Variants in CRTAC1 observed in about 807,000 individuals in gnomAD.
CRTAC1 encodes cartilage acidic protein 1.
A neutral mutation model predicts 67.8 loss-of-function variants in CRTAC1; 37 were observed. The ratio of observed to expected loss-of-function variants is 0.55; its 90% CI spans 0.42 to 0.72. The LOEUF (loss-of-function observed/expected upper bound fraction) is 0.72, where lower values mean the gene tolerates loss of function less well. CRTAC1 is among the 30% of genes least tolerant of loss of function. The pLI, the probability that CRTAC1 is intolerant of heterozygous loss-of-function variation, is 0.00. For synonymous variants in CRTAC1, 348 were observed against 371.0 expected, an observed-to-expected ratio of 0.94 and a Z score of 0.71; for missense variants, 780 against 931.6, an observed-to-expected ratio of 0.84 and a Z score of 2.12.
chr10:97,953,984 G>A (rs561736387), intron 2 of CRTAC1, among the ~76,000 whole-genome samples: 3 of 152,236 alleles, frequency 2.0e-5, no homozygotes, highest in East Asian at 3.9e-4. Flanking sequence ...GCAAATTCTC[G>A]GGAGGTGTAG....
intron 14 of CRTAC1, 129 bp downstream of exon 14, chr10:97,880,120 G>T: frequency 1.8e-6 from 2 of 1,102,714 alleles, no homozygotes; most frequent in Non-Finnish European, 2.6e-6. Flanking sequence ...GACCCAATAT[G>T]GGTCAAAGGA....
At chr10:97,916,244 G>A (rs184923540) in intron 5 of CRTAC1, among the ~76,000 whole-genome samples, 1 of 151,884 alleles carries the variant, frequency 6.6e-6, no homozygotes, top group East Asian at 1.9e-4. Flanking sequence ...AGAAAAAATT[G>A]ACTGTACAAA....
chr10:97,871,712 T>A (rs981422726), intron 14 of CRTAC1: 1 of 152,108 alleles, frequency 6.6e-6, no homozygotes. Context: ...TGAACCTAAG[T>A]CTCTGACTCC....
intron 14 of CRTAC1, chr10:97,878,524 C>A: frequency 9.1e-7 from 1 of 1,095,894 alleles, no homozygotes; most frequent in South Asian, 1.7e-5. Context: ...CCTGGGATGA[C>A]TTTTTTTCCC....
At chr10:97,897,536 T>C (rs1222965918) in intron 8 of CRTAC1, among the ~76,000 whole-genome samples, 2 of 152,340 alleles carry the variant, frequency 1.3e-5, no homozygotes, top group East Asian at 3.9e-4. Flanking sequence ...TCATCTTTGC[T>C]TCTCTTGCAG....
At chr10:97,909,742 A>G (rs541228409) in intron 5 of CRTAC1, among the ~76,000 whole-genome samples, 34 of 152,364 alleles carry the variant, frequency 2.2e-4, no homozygotes, top group African/African-American at 7.9e-4. Flanking sequence ...TGTTGAAGAG[A>G]TACCTGCACT....
intron 3 of CRTAC1, among the ~76,000 whole-genome samples, chr10:97,935,905 C>T (rs2051078540): frequency 6.6e-6 from 1 of 152,124 alleles, no homozygotes; most frequent in Non-Finnish European, 1.5e-5. Context: ...GTGGTGGGGA[C>T]ACACAGTCTG....
chr10:98,019,073 G>T lies in CRTAC1; in HGVS notation c.25-7736C>A, dbSNP rs530619253. 4.6e-5 allele frequency among the ~76,000 whole-genome samples: 7 copies of T among 152,272 alleles called. No homozygotes were observed. In the South Asian group the frequency reaches 6.2e-4, roughly 14 times the overall value. ...GCACAGAGAGATGTAAGTTAGCTGG[G>T]GGGGGAGCTGGGAAGTGCTTCCTAG... On this transcript the variant is annotated intron_variant, in intron 1 of 14. Transcript: ENST00000370597.
chr10:97,968,273 C>T (rs952356072), intron 2 of CRTAC1, among the ~76,000 whole-genome samples: 33 of 152,124 alleles, frequency 2.2e-4, no homozygotes, highest in African/African-American at 5.6e-4. Context: ...GGCAGAGTCT[C>T]GCTCTGTCGC....
Position 97,933,088 on chromosome 10 carries a change from G to A in CRTAC1, c.421+3082C>T, listed in dbSNP as rs570729649. Among the ~76,000 whole-genome samples, 16 of 152,372 alleles carry A rather than the reference G, an allele frequency of 1.1e-4. No homozygotes were observed. In the South Asian group the frequency reaches 3.3e-3, roughly 32 times the overall value. On this transcript the variant is annotated intron_variant, in intron 3 of 14. Transcript: ENST00000370597. ...AAATGCCATGGGCATGCCTGGGCTG[G>A]TTGGGACCCCTGGAGAGTGGGAAGG...
intron 2 of CRTAC1, among the ~76,000 whole-genome samples, chr10:97,982,566 A>G (rs532818016): frequency 6.6e-6 from 1 of 152,358 alleles, no homozygotes; most frequent in Admixed American, 6.5e-5. Context: ...ACACATCAGA[A>G]AATTGGATGA....
intron 3 of CRTAC1, among the ~76,000 whole-genome samples, chr10:97,928,014 G>A (rs1328414271): frequency 6.6e-6 from 1 of 152,210 alleles, no homozygotes; most frequent in Non-Finnish European, 1.5e-5. Flanking sequence ...AGACTGTTAG[G>A]AGCAGGAGAG....
intron 2 of CRTAC1, among the ~76,000 whole-genome samples, chr10:97,972,561 C>T (rs181340475): frequency 1.7e-3 from 264 of 152,278 alleles, no homozygotes; most frequent in Admixed American, 3.2e-3. Context: ...TCATCAGAAT[C>T]TACTACATTA....
intron 2 of CRTAC1, among the ~76,000 whole-genome samples, chr10:97,952,429 T>C (rs1005066582): frequency 2.7e-5 from 4 of 150,288 alleles, no homozygotes; most frequent in Non-Finnish European, 5.9e-5. Flanking sequence ...TCCCAGCTAC[T>C]TGGGAGGCTG....
At chr10:97,887,892 C>T (rs1249926504) in intron 11 of CRTAC1, among the ~76,000 whole-genome samples, 1 of 152,262 alleles carries the variant, frequency 6.6e-6, no homozygotes, top group East Asian at 1.9e-4. Flanking sequence ...TTGGTAACAA[C>T]AGTGAACACT....
intron 14 of CRTAC1, among the ~76,000 whole-genome samples, chr10:97,877,827 T>C (rs1025756510): frequency 6.6e-6 from 1 of 152,348 alleles, no homozygotes; most frequent in Middle Eastern, 3.4e-3. Flanking sequence ...GGTTGTCACT[T>C]ATAAGGCATC....
chr10:97,899,595 T>G (rs2050505173), intron 8 of CRTAC1, among the ~76,000 whole-genome samples: 1 of 152,268 alleles, frequency 6.6e-6, no homozygotes, highest in African/African-American at 2.4e-5. Flanking sequence ...GCAATTTATC[T>G]GGAAGTTGTG....
intron 2 of CRTAC1, among the ~76,000 whole-genome samples, chr10:97,981,370 A>T (rs2051888376): frequency 6.6e-6 from 1 of 152,198 alleles, no homozygotes. Flanking sequence ...AATGTTTTGC[A>T]AAGTTGGGAT....
chr10:97,952,969 C>T (rs1056214543), intron 2 of CRTAC1, among the ~76,000 whole-genome samples: 22 of 152,218 alleles, frequency 1.4e-4, no homozygotes, highest in Non-Finnish European at 2.9e-4. Context: ...TCCATCCTTC[C>T]CAGTTCTGGA....
Sources: gnomAD v4.1 joint callset for allele counts (sites outside exome capture counted in the v4.1 genomes callset) on GRCh38, gnomAD v4.1.1 for gene constraint, MANE v1.5 for transcripts, NCBI Gene and HGNC (gene_info 2026-07-23, HGNC 2026-07-21) for gene names.